UGT1A9: variants seen among roughly 807,000 people sequenced by gnomAD.
UGT1A9 encodes the protein UDP-glucuronosyltransferase 1A9.
UGT1A9 carries 35 observed loss-of-function variants against 45.0 expected under a neutral mutation model. The observed-to-expected ratio is 0.78, with a 90% CI of 0.59 to 1.03. The LOEUF is 1.03. UGT1A9 is among the 50% of genes least tolerant of loss of function. The pLI, the probability that UGT1A9 is intolerant of heterozygous loss-of-function variation, is 0.00. For synonymous variants in UGT1A9, 278 were observed against 250.6 expected (o/e 1.11, Z -1.03); for missense variants, 687 against 666.6 (o/e 1.03, Z -0.34).
In UGT1A9 at chr2:233,685,275, C is replaced by T. The variant is rs570132038; in HGVS notation, c.855+12486C>T. Among the ~76,000 whole-genome samples the T allele has an allele frequency of 9.2e-5, 14 of 152,192 alleles. No homozygotes were observed. In the South Asian group the frequency reaches 1.2e-3, roughly 14 times the overall value. On this transcript the variant is annotated intron_variant, in intron 1 of 4. Coordinates refer to ENST00000354728, the MANE Select transcript of UGT1A9 (RefSeq NM_021027.3). ...CTCTGACTCCTGACCTCAAGTGATC[C>T]GCCCGCCTCCGCCTTTCAAAGTGTT...
intron 1 of UGT1A9, among the ~76,000 whole-genome samples, chr2:233,715,664 C>T (rs547065992): frequency 3.3e-5 from 5 of 152,030 alleles, no homozygotes; most frequent in African/African-American, 4.8e-5. Context: ...CCCAGCTACT[C>T]GGGAGGCTGA....
At position 233,728,183 on chromosome 2, in the gene UGT1A9, A is replaced by G. The variant is rs539668176; in HGVS notation, c.856-38851A>G. ...GTTCTGGAGGAACCATTCTTATCAG[A>G]ACTTGGTGCTGGATTGACTTGGAGA... On this transcript the variant is annotated intron_variant, in intron 1 of 4. Coordinates refer to ENST00000354728, the MANE Select transcript of UGT1A9 (RefSeq NM_021027.3). Among the ~76,000 whole-genome samples the G allele has an allele frequency of 2.0e-5, 3 of 152,306 alleles. No individual in the cohort carries two copies. In the South Asian group the frequency reaches 6.2e-4, roughly 32 times the overall value.
In UGT1A9 at chr2:233,748,243, C is replaced by T. The variant is rs570859275; in HGVS notation, c.856-18791C>T. Among the ~76,000 whole-genome samples the T allele has an allele frequency of 2.0e-4, 31 of 151,784 alleles. 2 individuals are homozygous for T. Among genetic ancestry groups the T allele is most frequent in the African/African-American group, 6.3e-4 (26 of 41,150 alleles). ...TAAACTGTTAAGGGGTCTCTAGTAGCGTATTTCAGGTTTTAAATGGTCAAT... is the reference window on the plus strand; with the variant it reads ...TAAACTGTTAAGGGGTCTCTAGTAGTGTATTTCAGGTTTTAAATGGTCAAT... On this transcript the variant is annotated intron_variant, in intron 1 of 4. Transcript: ENST00000354728.
rs1341350093 is a variant in UGT1A9, at chr2:233,769,045, A to G, written c.1295+606A>G. ...AGTTGCCATAATAGACATCTGATCC[A>G]TAAGTTTCCTGCACAGAAAGAAATA... On this transcript the variant is annotated intron_variant, in intron 4 of 4. Transcript: ENST00000354728. This position sits in a 1 kb window ranked among gnomAD's most constrained non-coding sequence, Gnocchi z 4.4. Among the ~76,000 whole-genome samples, 2 of 152,222 alleles carry G rather than the reference A, an allele frequency of 1.3e-5. No homozygotes were observed. Among genetic ancestry groups the G allele is most frequent in the African/African-American group, 2.4e-5 (1 of 41,450 alleles).
At position 233,729,883 on chromosome 2, in the gene UGT1A9, TC is replaced by T. The variant is rs771925903; in HGVS notation, c.856-37150del. ...AGTGGTGGATATTCTCAGTCATGCA[TC>T]TGTGTGGCTGTTCCGAGGGGACTTT... On this transcript the variant is annotated intron_variant, in intron 1 of 4. Transcript: ENST00000354728. The T allele has an allele frequency of 6.2e-6, 10 of 1,613,824 alleles. No individual in the cohort carries two copies. In the African/African-American group the frequency reaches 1.3e-4, roughly 22 times the overall value.
intron 1 of UGT1A9, among the ~76,000 whole-genome samples, chr2:233,737,949 C>A (rs965025739): frequency 6.6e-6 from 1 of 151,968 alleles, no homozygotes; most frequent in African/African-American, 2.4e-5. Context: ...GACTGTTTCC[C>A]AACATGAGGT....
At chr2:233,678,445 AGGAGGT>A (rs1033924573) in intron 1 of UGT1A9, among the ~76,000 whole-genome samples, 18 of 152,184 alleles carry the variant, frequency 1.2e-4, no homozygotes, top group African/African-American at 4.1e-4. Context: ...GAAGAGGTAG[AGGAGGT>A]GGAAGTGGAG....
At chr2:233,701,701 C>T (rs1051728567) in intron 1 of UGT1A9, among the ~76,000 whole-genome samples, 4 of 152,128 alleles carry the variant, frequency 2.6e-5, no homozygotes, top group African/African-American at 7.2e-5. Flanking sequence ...CACTCAAAAC[C>T]GCTCAACTAC....
chr2:233,674,430 C>T (rs2074284606), intron 1 of UGT1A9, among the ~76,000 whole-genome samples: 1 of 152,104 alleles, frequency 6.6e-6, no homozygotes, highest in Admixed American at 6.5e-5. Context: ...TAACAGGCAC[C>T]ACTTATGTGT....
chr2:233,693,756 CTGTT>C (rs1404179163), intron 1 of UGT1A9: 1 of 1,614,130 alleles, frequency 6.2e-7, no homozygotes, highest in Admixed American at 1.7e-5. Context: ...CAGAAGGTCT[CTGTT>C]TGGCTGTTAA....
At chr2:233,692,770 A>C (rs1187412546) in intron 1 of UGT1A9, 1 of 1,276,528 alleles carries the variant, frequency 7.8e-7, no homozygotes, top group Non-Finnish European at 1.0e-6. Flanking sequence ...GAAGAGAAAC[A>C]CCCAGAAGCT....
chr2:233,739,772 T>C (rs1691199757), intron 1 of UGT1A9, among the ~76,000 whole-genome samples: 1 of 152,174 alleles, frequency 6.6e-6, no homozygotes, highest in South Asian at 2.1e-4. Context: ...AGTGCTGAAA[T>C]GAGTTAAGAC....
chr2:233,740,036 G>C (rs901292924), intron 1 of UGT1A9, among the ~76,000 whole-genome samples: 3 of 151,764 alleles, frequency 2.0e-5, no homozygotes, highest in Admixed American at 2.0e-4. Context: ...GGTTTTATAA[G>C]GGACTCTTTC....
chr2:233,671,920 A>G lies in UGT1A9; in HGVS notation c.-15A>G. ...CTTAGATTCCCAGCTGCTTGCTCTC[A>G]GCTGCAGTTCTCTGATGGCTTGCAC... On this transcript the variant is annotated 5_prime_UTR_variant, in exon 1 of 5. Coordinates refer to ENST00000354728, the MANE Select transcript of UGT1A9 (RefSeq NM_021027.3). 1 of 1,593,910 alleles carries G rather than the reference A, an allele frequency of 6.3e-7. No homozygotes were observed. The highest frequency in any genetic ancestry group is 8.5e-7 in the Non-Finnish European group (1 of 1,169,876).
chr2:233,757,560 A>ATATATATATATATATATATATGTG (rs904896556), intron 1 of UGT1A9, among the ~76,000 whole-genome samples: 3 of 123,154 alleles, frequency 2.4e-5, no homozygotes, highest in Admixed American at 7.8e-5. Context: ...ATATATATAT[A>ATATATATATATATATATATATGTG]TGTATATATG....
intron 1 of UGT1A9, among the ~76,000 whole-genome samples, chr2:233,727,335 C>T (rs1297453544): frequency 1.3e-5 from 2 of 152,170 alleles, no homozygotes; most frequent in Admixed American, 1.3e-4. Context: ...GAGCTCCTCC[C>T]TCCCCATAGT....
At chr2:233,712,976 G>A (rs750445799) in intron 1 of UGT1A9, 18 of 1,612,962 alleles carry the variant, frequency 1.1e-5, no homozygotes, top group African/African-American at 6.7e-5. Flanking sequence ...GTCAGCTGTC[G>A]GTGGCTTCTG....
intron 1 of UGT1A9, among the ~76,000 whole-genome samples, chr2:233,703,677 AT>A (rs1271383463): frequency 6.6e-5 from 10 of 151,954 alleles, no homozygotes; most frequent in African/African-American, 1.7e-4. Flanking sequence ...TTCATGATAT[AT>A]TTTTTTTCCA....
intron 1 of UGT1A9, among the ~76,000 whole-genome samples, chr2:233,674,386 C>T (rs771458147): frequency 6.6e-6 from 1 of 152,100 alleles, no homozygotes; most frequent in Non-Finnish European, 1.5e-5. Flanking sequence ...CCCCTTTACC[C>T]TCCATAAATT....
Sources: gnomAD v4.1 joint callset for allele counts (sites outside exome capture counted in the v4.1 genomes callset) on GRCh38, gnomAD v4.1.1 for gene constraint, Gnocchi (gnomAD v3.1) non-coding constraint, MANE v1.5 for transcripts, NCBI Gene and HGNC (gene_info 2026-07-23, HGNC 2026-07-21) for gene names.